GET4: variants seen among roughly 807,000 people sequenced by gnomAD.
GET4 encodes Golgi to ER traffic protein 4 homolog.
In GET4, 20 loss-of-function variants were observed where a neutral mutation model predicts 40.0. The observed-to-expected ratio is 0.50, with a 90% CI of 0.35 to 0.73. The LOEUF (loss-of-function observed/expected upper bound fraction) is 0.73, where lower values mean the gene tolerates loss of function less well. Among genes scored for constraint, GET4 ranks in the 30% least tolerant of loss-of-function variants. The probability of loss-of-function intolerance (pLI) is 0.01; values close to 1 mark genes in which losing one functional copy is unlikely to be tolerated. For synonymous variants in GET4, 280 were observed against 194.6 expected (o/e 1.44, Z -3.65); for missense variants, 557 against 454.0 (o/e 1.23, Z -2.06).
chr7:890,560 A>G (rs533663077), intron 4 of GET4, among the ~76,000 whole-genome samples: 55 of 152,188 alleles, frequency 3.6e-4, no homozygotes, highest in African/African-American at 1.3e-3. Context: ...TCCGAGGTGC[A>G]CTGGCCTGGG....
intron 5 of GET4, 79 bp downstream of exon 5, chr7:891,145 C>G (rs546623650): frequency 1.8e-6 from 2 of 1,130,146 alleles, no homozygotes; most frequent in African/African-American, 1.6e-5. Flanking sequence ...CCCCTTGTCC[C>G]CTGTCCGAGC....
rs568742747 is a variant in GET4 at position 895,209 on chromosome 7, G to C, written c.896-125G>C. ...GGGTTCCTGGGTCGTAGACAGTAGC[G>C]ATGTGAGGCTTTTGCTTGTTCCATG... On this transcript the variant is annotated intron_variant, in intron 8 of 8. Coordinates refer to ENST00000265857, the MANE Select transcript of GET4 (RefSeq NM_015949.3). 4.3e-4 allele frequency: 251 copies of C among 581,142 alleles called. 3 individuals carry two copies. Among genetic ancestry groups the C allele is most frequent in the African/African-American group, 2.4e-3 (127 of 52,862 alleles). 36.0% of individuals were successfully genotyped at this position (581,142 alleles called of 1,614,324 possible).
At chr7:887,175 C>G in intron 3 of GET4, 195 bp from the exon 4 acceptor site, 1 of 746,052 alleles carries the variant, frequency 1.3e-6, no homozygotes, top group Non-Finnish European at 2.5e-6. Context: ...TCCTTCCTCG[C>G]TGTGCTCTGG....
At position 876,732 on chromosome 7, in the gene GET4, G is replaced by C; in HGVS notation, c.87G>C (p.Lys29Asn). 7.2e-7 allele frequency: 1 copy of C among 1,380,504 alleles called. No individual in the cohort carries two copies. The highest frequency in any genetic ancestry group is 9.5e-7 in the Non-Finnish European group (1 of 1,051,618). 85.5% of individuals were successfully genotyped at this position (1,380,504 alleles called of 1,614,324 possible). The stretch of plus-strand genomic sequence containing the variant: ...GCGGCGTCCAGCGTGTGGAGGGCAA[G>C]CTGCGCGCCAGCGTCGAGAAGGGCG... ...NRGGVQRVEG[K>N]LRASVEKGDY... The change falls in exon 1 of 9, where the codon AAG (lysine) becomes AAC (asparagine). Residue 29 changes from lysine to asparagine, a missense_variant. Transcript: ENST00000265857.
At chr7:881,975 C>T (rs896702430) in intron 1 of GET4, 1 of 152,250 alleles carries the variant, frequency 6.6e-6, no homozygotes, top group Non-Finnish European at 1.5e-5. Flanking sequence ...TGGCCTCCAG[C>T]TCCATCCAAG....
intron 1 of GET4, among the ~76,000 whole-genome samples, chr7:878,700 C>T (rs571036531): frequency 3.3e-5 from 5 of 152,046 alleles, no homozygotes; most frequent in African/African-American, 1.2e-4. Context: ...CCTGCCTCAG[C>T]CTCCTGAGTA....
Position 887,508 on chromosome 7 carries a change from C to G in GET4, c.455C>G (p.Thr152Ser), listed in dbSNP as rs149811092. The stretch of plus-strand genomic sequence containing the variant: ...CGGCTGCACCAGCTGCTGGCCCTCA[C>G]CCTGTGGAAAGGTAGGCCTGGGGCC... Reference protein sequence around the residue: ...HPRLHQLLALTLWKEQNYCES... With the variant: ...HPRLHQLLALSLWKEQNYCES... The change falls in exon 4 of 9, where the codon ACC becomes AGC. Residue 152 changes from threonine (T) to serine (S), a missense_variant. Physicochemically the swap from Thr to Ser is moderately conservative, Grantham distance 58. Transcript: ENST00000265857. 1.9e-6 allele frequency: 3 copies of G among 1,543,220 alleles called. No homozygotes were observed. The highest frequency in any genetic ancestry group is 2.0e-5 in the Admixed American group (1 of 48,842).
rs1468691714 is a variant in GET4 at position 895,986 on chromosome 7, A to G, written c.*564A>G. On this transcript the variant is annotated 3_prime_UTR_variant, in exon 9 of 9. Transcript: ENST00000265857. ...CCACATCCTCACGCTCGGTGGAGGG[A>G]CGCGTGCGGCGGGACGGTGCCTACG... 6.6e-6 allele frequency: 1 copy of G among 151,962 alleles called. No individual in the cohort carries two copies. The highest frequency in any genetic ancestry group is 6.6e-5 in the Admixed American group (1 of 15,260). 9.4% of individuals were successfully genotyped at this position (151,962 alleles called of 1,614,324 possible).
intron 4 of GET4, among the ~76,000 whole-genome samples, chr7:889,575 G>T (rs997377858): frequency 6.6e-6 from 1 of 152,036 alleles, no homozygotes; most frequent in African/African-American, 2.4e-5. Context: ...AGAGGCAGGC[G>T]CCTGGTGAGT....
At chr7:888,181 A>G (rs1844233469) in intron 4 of GET4, among the ~76,000 whole-genome samples, 2 of 152,038 alleles carry the variant, frequency 1.3e-5, no homozygotes, top group South Asian at 4.1e-4. Context: ...GGGAGGCGGC[A>G]CCCAGGGCAG....
intron 1 of GET4, 52 bp downstream of exon 1, chr7:876,852 C>A: frequency 9.8e-7 from 1 of 1,021,088 alleles, no homozygotes; most frequent in Non-Finnish European, 1.2e-6. Context: ...CGCCGCCTCC[C>A]ATTGGCCGCG....
At position 895,345 on chromosome 7, in the gene GET4, AC is replaced by A; in HGVS notation, c.909del (p.Ser304AlafsTer104). 6.4e-7 allele frequency: 1 copy of A among 1,572,964 alleles called. No individual in the cohort carries two copies. Among genetic ancestry groups the A allele is most frequent in the Non-Finnish European group, 8.7e-7 (1 of 1,146,256 alleles). On this transcript the variant is annotated frameshift_variant, in exon 9 of 9. Transcript: ENST00000265857. LOFTEE classifies it high-confidence loss of function. ...SYGGLLGNLL[T>X]SLMGSSEQED... ...GTTCTTCTTTCCAGGGAACCTTCTG[AC>A]CAGCCTCATGGGCTCCTCAGAGCAG... is the stretch of plus-strand genomic sequence containing the variant.
intron 3 of GET4, chr7:887,080 T>C (rs1180331541): frequency 1.6e-6 from 1 of 621,876 alleles, no homozygotes; most frequent in Admixed American, 2.1e-5. Context: ...CAGAGCCAGG[T>C]ACCCAGAGCG....
At chr7:886,423 C>T (rs1232563382) in intron 2 of GET4, 146 bp from the exon 3 acceptor site, 14 of 662,442 alleles carry the variant, frequency 2.1e-5, no homozygotes, top group Non-Finnish European at 2.7e-5. Context: ...TCTTTTTCGG[C>T]GGCATTGCCA....
intron 4 of GET4, among the ~76,000 whole-genome samples, chr7:889,411 G>A (rs1377264014): frequency 6.6e-6 from 1 of 152,258 alleles, no homozygotes; most frequent in Non-Finnish European, 1.5e-5. Flanking sequence ...CCCTCCTGGG[G>A]ATGAAATCAC....
At chr7:890,577 T>C (rs1562896735) in intron 4 of GET4, among the ~76,000 whole-genome samples, 3 of 152,074 alleles carry the variant, frequency 2.0e-5, no homozygotes, top group South Asian at 4.1e-4. Context: ...TGGGCCCTGA[T>C]TATATTGCGC....
chr7:892,297 A>G lies in GET4; in HGVS notation c.625A>G (p.Lys209Glu). 1 of 1,589,240 alleles carries G rather than the reference A, an allele frequency of 6.3e-7. No individual in the cohort carries two copies. Among genetic ancestry groups the G allele is most frequent in the Non-Finnish European group, 8.6e-7 (1 of 1,158,954 alleles). The change falls in exon 6 of 9, where the codon AAA (lysine) becomes GAA (glutamate). Residue 209 changes from lysine (K) to glutamate (E), a missense_variant. Coordinates refer to ENST00000265857, the MANE Select transcript of GET4 (RefSeq NM_015949.3). ...TTCCAGGTTTCTCTGTTTAAAAAAC[A>G]AAAGTAGCGCATCGGTGGTCTTCAC... is the stretch of plus-strand genomic sequence containing the variant. ...AVLQFLCLKN[K>E]SSASVVFTTY...
At chr7:878,574 C>CT (rs1261640394) in intron 1 of GET4, among the ~76,000 whole-genome samples, 21,527 of 130,354 alleles carry the variant, frequency 0.17, 1,977 homozygotes, top group East Asian at 0.3. Context: ...TTTTAATAAA[C>CT]TTTTTTTTTT....
Position 876,713 on chromosome 7 carries a change from TC to T in GET4, c.70del (p.Gln24SerfsTer91). 7.3e-7 allele frequency: 1 copy of T among 1,368,544 alleles called. No individual in the cohort carries two copies. The highest frequency in any genetic ancestry group is 3.0e-5 in the Admixed American group (1 of 33,766). 84.8% of individuals were successfully genotyped at this position (1,368,544 alleles called of 1,614,324 possible). A position where few individuals can be genotyped will look rare whatever the true frequency, so the allele number is the denominator to read the frequency against. On this transcript the variant is annotated frameshift_variant, in exon 1 of 9. Coordinates refer to ENST00000265857, the MANE Select transcript of GET4 (RefSeq NM_015949.3). LOFTEE classifies it high-confidence loss of function. ...AACGGCGGCCGCAACCGCGGCGGCGTCCAGCGTGTGGAGGGCAAGCTGCGCG... is the reference window on the plus strand; with the variant it reads ...AACGGCGGCCGCAACCGCGGCGGCGTCAGCGTGTGGAGGGCAAGCTGCGCG... ...ARNGGRNRGG[V>X]QRVEGKLRAS...
Sources: gnomAD v4.1 joint callset for allele counts (sites outside exome capture counted in the v4.1 genomes callset) on GRCh38, gnomAD v4.1.1 for gene constraint, MANE v1.5 for transcripts, NCBI Gene and HGNC (gene_info 2026-07-23, HGNC 2026-07-21) for gene names.